BICRA: variants seen among roughly 807,000 people sequenced by gnomAD.
BICRA encodes BRD4 interacting chromatin remodeling complex associated protein.
A neutral mutation model predicts 96.9 loss-of-function variants in BICRA; 31 were observed. The ratio of observed to expected loss-of-function variants is 0.32; its 90% CI spans 0.24 to 0.43. BICRA has a LOEUF of 0.43. Among genes scored for constraint, BICRA ranks in the 20% least tolerant of loss-of-function variants. BICRA has a pLI of 1.00. For missense variants in BICRA, 2,283 were observed against 2,190.3 expected (o/e 1.04, Z -0.84); for synonymous variants, 1,350 against 1,071.8 (o/e 1.26, Z -5.07).
intron 1 of BICRA, among the ~76,000 whole-genome samples, chr19:47,667,367 C>T (rs888977438): frequency 2.0e-5 from 3 of 152,192 alleles, no homozygotes; most frequent in Non-Finnish European, 2.9e-5. Flanking sequence ...AATACAAAAT[C>T]CTCAGAGACA....
chr19:47,646,348 T>G (rs1972458709), intron 1 of BICRA, among the ~76,000 whole-genome samples: 1 of 151,944 alleles, frequency 6.6e-6, no homozygotes. Context: ...CCTGCAAAAA[T>G]CTCCAGAAAT....
chr19:47,623,089 T>C (rs898632075), intron 1 of BICRA, among the ~76,000 whole-genome samples: 4 of 151,712 alleles, frequency 2.6e-5, no homozygotes, highest in Admixed American at 2.6e-4. Context: ...CATTACATAA[T>C]ACATAATAGA....
chr19:47,699,478 A>G lies in BICRA; in HGVS notation c.3595+73A>G. Reference sequence around the variant, plus strand: ...CCACCTGGGCAGAAGAGTTAGATTCAGGGCGGGGAGTGGGTGTGTGGCCCT... The same window carrying G: ...CCACCTGGGCAGAAGAGTTAGATTCGGGGCGGGGAGTGGGTGTGTGGCCCT... On this transcript the variant is annotated intron_variant, in intron 14 of 14. Coordinates refer to ENST00000594866, the MANE Select transcript of BICRA (RefSeq NM_001394372.1). The surrounding 1 kb of genome is among the most constrained non-coding windows in gnomAD (Gnocchi z 5.0). 3.4e-6 allele frequency: 3 copies of G among 872,496 alleles called. No homozygotes were observed. Among genetic ancestry groups the G allele is most frequent in the Admixed American group, 2.0e-5 (1 of 49,466 alleles). 54.0% of individuals were successfully genotyped at this position (872,496 alleles called of 1,614,324 possible).
At chr19:47,671,700 G>T (rs993943857) in intron 2 of BICRA, among the ~76,000 whole-genome samples, 1 of 150,010 alleles carries the variant, frequency 6.7e-6, no homozygotes, top group Non-Finnish European at 1.5e-5. Context: ...GAAGGATGGA[G>T]GGATGGGTGG....
intron 7 of BICRA, among the ~76,000 whole-genome samples, chr19:47,685,183 C>T (rs1332126446): frequency 6.6e-6 from 1 of 151,330 alleles, no homozygotes; most frequent in Non-Finnish European, 1.5e-5. Flanking sequence ...TATGGGGTCT[C>T]ACTATGCAGC....
Position 47,680,597 on chromosome 19 carries a change from G to A in BICRA, c.1427G>A (p.Gly476Asp). The A allele has an allele frequency of 6.2e-7, 1 of 1,608,598 alleles. No individual in the cohort carries two copies. Among genetic ancestry groups the A allele is most frequent in the African/African-American group, 1.3e-5 (1 of 74,748 alleles). Reference protein sequence around the residue: ...LPGQNQFLLPGAPAVQLPQQL... With the variant: ...LPGQNQFLLPDAPAVQLPQQL... Reference sequence around the variant, plus strand: ...GGCCAGAACCAGTTCCTACTGCCTGGCGCCCCGGCGGTCCAGCTCCCGCAG... The same window carrying A: ...GGCCAGAACCAGTTCCTACTGCCTGACGCCCCGGCGGTCCAGCTCCCGCAG... Residue 476 changes from glycine (G) to aspartate (D), a missense_variant, in exon 6 of 15, where the codon GGC (glycine) becomes GAC (aspartate). Physicochemically the swap from Gly to Asp is moderately conservative, Grantham distance 94. Coordinates refer to ENST00000594866, the MANE Select transcript of BICRA (RefSeq NM_001394372.1).
chr19:47,685,786 T>TGTGTGTGTGCGCGCGCGTGC, intron 7 of BICRA, among the ~76,000 whole-genome samples: 1 of 117,930 alleles, frequency 8.5e-6, no homozygotes, highest in Non-Finnish European at 1.7e-5. Flanking sequence ...TGTGTGTGTG[T>TGTGTGTGTGCGCGCGCGTGC]GCGCGCGCGC....
At chr19:47,640,149 C>T (rs1011787284) in intron 1 of BICRA, among the ~76,000 whole-genome samples, 1 of 152,140 alleles carries the variant, frequency 6.6e-6, no homozygotes, top group Non-Finnish European at 1.5e-5. Flanking sequence ...ACATTTATCC[C>T]TTTGTTAACT....
rs765432251 is a variant in BICRA, at chr19:47,701,390, C to G, written c.3658C>G (p.Arg1220Gly). Residue 1220 changes from arginine to glycine, a missense_variant, in exon 15 of 15, where the codon CGG becomes GGG. Arg to Gly is a moderately radical substitution (Grantham distance 125). Transcript: ENST00000594866. The surrounding 1 kb of genome is among the most constrained non-coding windows in gnomAD (Gnocchi z 5.4). The part of the protein sequence containing the change: ...LPIAASSEGH[R>G]LPGHGPLSSS... Reference sequence around the variant, plus strand: ...CATCGCAGCCTCTTCCGAGGGTCATCGGCTTCCCGGCCACGGCCCCCTGTC... The same window carrying G: ...CATCGCAGCCTCTTCCGAGGGTCATGGGCTTCCCGGCCACGGCCCCCTGTC... 4.4e-6 allele frequency: 7 copies of G among 1,606,776 alleles called. No individual in the cohort carries two copies. Among genetic ancestry groups the G allele is most frequent in the Admixed American group, 3.4e-5 (2 of 59,202 alleles).
intron 10 of BICRA, 117 bp downstream of exon 10, chr19:47,695,591 A>G (rs1161668289): frequency 6.3e-6 from 4 of 631,048 alleles, no homozygotes; most frequent in African/African-American, 5.5e-5. Context: ...AGCTGGGACC[A>G]TCAGGCAGCT....
intron 10 of BICRA, 121 bp from the exon 11 acceptor site, chr19:47,696,330 C>A: frequency 2.4e-6 from 2 of 844,036 alleles, no homozygotes; most frequent in Admixed American, 2.4e-5. Context: ...TGGGGCCAGG[C>A]CCCCACCTGG....
At chr19:47,700,087 G>A (rs1162113945) in intron 14 of BICRA, 1 of 152,444 alleles carries the variant, frequency 6.6e-6, no homozygotes, top group East Asian at 1.9e-4. Context: ...GGGTAGGAGA[G>A]GAAGGGTAGT....
chr19:47,618,568 C>T (rs924215696), intron 1 of BICRA, among the ~76,000 whole-genome samples: 3 of 151,966 alleles, frequency 2.0e-5, no homozygotes, highest in Non-Finnish European at 4.4e-5. Context: ...GCCCCTTGAC[C>T]CCCCAGCCCG....
rs575812701 is a variant in BICRA, at chr19:47,701,363, C to G, written c.3631C>G (p.Pro1211Ala). 3.6e-5 allele frequency: 58 copies of G among 1,611,648 alleles called. No individual in the cohort carries two copies. Among genetic ancestry groups the G allele is most frequent in the Middle Eastern group, 3.3e-4 (2 of 6,062 alleles). ...GTCTTCCTCCCGCTCGCTCGGCCTC[C>G]CCATCGCAGCCTCTTCCGAGGGTCA... Reference protein sequence around the residue: ...YVSSSRSLGLPIAASSEGHRL... With the variant: ...YVSSSRSLGLAIAASSEGHRL... The change falls in exon 15 of 15, where the codon CCC becomes GCC. Residue 1211 changes from proline (P) to alanine (A), a missense_variant. Physicochemically the swap from Pro to Ala is conservative, Grantham distance 27. Coordinates refer to ENST00000594866, the MANE Select transcript of BICRA (RefSeq NM_001394372.1). This position sits in a 1 kb window ranked among gnomAD's most constrained non-coding sequence, Gnocchi z 5.4.
At position 47,695,148 on chromosome 19, in the gene BICRA, G is replaced by A. The variant is rs1167420652; in HGVS notation, c.3076+68G>A. The A allele has an allele frequency of 5.7e-6, 6 of 1,056,692 alleles. No homozygotes were observed. In the African/African-American group the frequency reaches 6.4e-5, roughly 11 times the overall value. The allele number at this position is 1,056,692 out of a possible 1,614,324, so 65.5% of individuals were successfully genotyped here. A position where few individuals can be genotyped will look rare whatever the true frequency, so the allele number is the denominator to read the frequency against. On this transcript the variant is annotated intron_variant, in intron 9 of 14. Transcript: ENST00000594866. ...AAGATGGGTGGGCGGGGCTGAGCAGGGAGAATGGGCTGGGGCAGGGCTGTG... is the reference window on the plus strand; with the variant it reads ...AAGATGGGTGGGCGGGGCTGAGCAGAGAGAATGGGCTGGGGCAGGGCTGTG...
chr19:47,680,965 C>T lies in BICRA; in HGVS notation c.1795C>T (p.Pro599Ser), dbSNP rs1327133784. The change falls in exon 6 of 15, where the codon CCC (proline) becomes TCC (serine). Residue 599 changes from proline (P) to serine (S), a missense_variant. By Grantham distance (74) the Pro-to-Ser change is moderately conservative. Transcript: ENST00000594866. ...PPSAVAMLNTPDGLVQPATPA... is the reference protein window; with the variant it reads ...PPSAVAMLNTSDGLVQPATPA... ...CAGCGCCGTGGCCATGCTCAACACC[C>T]CCGACGGCCTGGTGCAGCCGGCCAC... The T allele has an allele frequency of 6.8e-7, 1 of 1,477,198 alleles. No individual in the cohort carries two copies. The allele number at this position is 1,477,198 out of a possible 1,614,324, so 91.5% of individuals were successfully genotyped here.
intron 1 of BICRA, among the ~76,000 whole-genome samples, chr19:47,661,414 A>G (rs1039490205): frequency 6.6e-6 from 1 of 151,900 alleles, no homozygotes; most frequent in Non-Finnish European, 1.5e-5. Context: ...GGGCAGGTCC[A>G]GTCGGTGGCC....
Position 47,698,523 on chromosome 19 carries a change from C to G in BICRA, c.3249-111C>G. On this transcript the variant is annotated intron_variant, in intron 11 of 14. Coordinates refer to ENST00000594866, the MANE Select transcript of BICRA (RefSeq NM_001394372.1). The surrounding 1 kb of genome is among the most constrained non-coding windows in gnomAD (Gnocchi z 4.8). ...ACCACTGCCCAAGTATTCCCCTTCC[C>G]GCTGTTGTGTTCAGTTGCGGCCTGG... is the stretch of plus-strand genomic sequence containing the variant. The G allele has an allele frequency of 1.5e-6, 1 of 678,286 alleles. No homozygotes were observed. Among genetic ancestry groups the G allele is most frequent in the South Asian group, 1.7e-5 (1 of 58,552 alleles). The allele number at this position is 678,286 out of a possible 1,614,324, so 42.0% of individuals were successfully genotyped here.
At chr19:47,623,912 C>T (rs1283741074) in intron 1 of BICRA, among the ~76,000 whole-genome samples, 1 of 150,262 alleles carries the variant, frequency 6.7e-6, no homozygotes, top group Non-Finnish European at 1.5e-5. Context: ...AGTGCAGTGG[C>T]GCGATCTTGG....
Sources: gnomAD v4.1 joint callset for allele counts (sites outside exome capture counted in the v4.1 genomes callset) on GRCh38, gnomAD v4.1.1 for gene constraint, Gnocchi (gnomAD v3.1) non-coding constraint, MANE v1.5 for transcripts, NCBI Gene and HGNC (gene_info 2026-07-23, HGNC 2026-07-21) for gene names.